The following BPTF variants were observed in gnomAD, a reference collection of about 807,000 sequenced individuals.
BPTF encodes the protein nucleosome-remodeling factor subunit BPTF.
A neutral mutation model predicts 292.5 loss-of-function variants in BPTF; 18 were observed. That is an observed-to-expected ratio of 0.06 (90% confidence interval 0.04 to 0.09). The LOEUF (loss-of-function observed/expected upper bound fraction) is 0.09. Among genes scored for constraint, BPTF ranks in the 10% least tolerant of loss-of-function variants. BPTF has a pLI of 1.00. For synonymous variants in BPTF, 1,225 were observed against 1,251.9 expected (o/e 0.98, Z 0.45); for missense variants, 2,726 against 3,498.7 (o/e 0.78, Z 5.57).
intron 23 of BPTF, among the ~76,000 whole-genome samples, chr17:67,953,572 A>G (rs552181337): frequency 4.8e-5 from 4 of 83,888 alleles, no homozygotes; most frequent in South Asian, 1.2e-3. Flanking sequence ...AAATTGTTCT[A>G]TAATTTTTTT....
In BPTF at chr17:67,945,436, T is replaced by C. The variant is rs2065733407; in HGVS notation, c.6728T>C (p.Leu2243Pro). ...AGTGEQRQSK[L>P]SPQMQVHQDK... The stretch of plus-strand genomic sequence containing the variant: ...ACAGGTGAACAAAGGCAGAGTAAAC[T>C]GTCACCCCAGATGCAGGTACATCAA... Residue 2243 changes from leucine (L) to proline (P), a missense_variant, in exon 21 of 28, where the codon CTG becomes CCG. Physicochemically the swap from Leu to Pro is moderately conservative, Grantham distance 98. Around this residue, in one of 22 missense-constraint regions of BPTF, gnomAD observed 570 missense variants for 633.5 expected, o/e 0.90. Coordinates refer to ENST00000306378, the MANE Select transcript of BPTF (RefSeq NM_182641.4). 2 of 1,613,886 alleles carry C rather than the reference T, an allele frequency of 1.2e-6. No homozygotes were observed. The highest frequency in any genetic ancestry group is 1.7e-6 in the Non-Finnish European group (2 of 1,179,914).
Position 67,825,573 on chromosome 17 carries a change from G to T in BPTF, c.-152G>T. On this transcript the variant is annotated 5_prime_UTR_variant, in exon 1 of 28. Transcript: ENST00000306378. ...TCCGGAGTGGGGCCCCAGCAATTCG[G>T]ATTGAGCCTTCTCCCTCCACCCGCT... The T allele has an allele frequency of 2.3e-6, 1 of 429,388 alleles. No homozygotes were observed. The allele number at this position is 429,388 out of a possible 1,614,324, so 26.6% of individuals were successfully genotyped here. A position where few individuals can be genotyped will look rare whatever the true frequency, so the allele number is the denominator to read the frequency against.
chr17:67,842,859 A>C (rs145760651), intron 1 of BPTF, among the ~76,000 whole-genome samples: 105 of 151,216 alleles, frequency 6.9e-4, no homozygotes, highest in African/African-American at 2.5e-3. Context: ...GATGAAGAAA[A>C]TCTAAGAGAA....
At chr17:67,926,525 T>C (rs954085117) in intron 15 of BPTF, among the ~76,000 whole-genome samples, 9 of 151,636 alleles carry the variant, frequency 5.9e-5, no homozygotes, top group Admixed American at 2.0e-4. Flanking sequence ...GGGGTTTCAC[T>C]GTGTTAGCCA....
chr17:67,945,331 AG>A, intron 20 of BPTF, 77 bp from the exon 21 acceptor site: 2 of 1,537,238 alleles, frequency 1.3e-6, no homozygotes, highest in Non-Finnish European at 8.7e-7. Flanking sequence ...CAACTTCAGA[AG>A]ATTTCCTTCA....
At chr17:67,937,122 A>G (rs1436790146) in intron 18 of BPTF, among the ~76,000 whole-genome samples, 2 of 152,182 alleles carry the variant, frequency 1.3e-5, no homozygotes, top group Non-Finnish European at 2.9e-5. Context: ...AATATACTGT[A>G]TAATAATGTA....
chr17:67,908,951 CAGCCTCCTGAGTA>C, intron 9 of BPTF, among the ~76,000 whole-genome samples: 1 of 150,832 alleles, frequency 6.6e-6, no homozygotes, highest in South Asian at 2.1e-4. Flanking sequence ...TCTCCTGCCT[CAGCCTCCTGAGTA>C]GCTGAGATCA....
chr17:67,955,138 A>T (rs1218626640), intron 23 of BPTF, among the ~76,000 whole-genome samples: 1 of 152,102 alleles, frequency 6.6e-6, no homozygotes, highest in East Asian at 1.9e-4. Context: ...AAAAAATACA[A>T]AAATTAGCCA....
At chr17:67,972,282 C>G (rs529332854) in intron 26 of BPTF, among the ~76,000 whole-genome samples, 1 of 152,130 alleles carries the variant, frequency 6.6e-6, no homozygotes, top group East Asian at 1.9e-4. Flanking sequence ...GTCACCCAGG[C>G]TGGAGTGCAG....
chr17:67,857,747 G>A (rs1193938599), intron 2 of BPTF, among the ~76,000 whole-genome samples: 3 of 150,902 alleles, frequency 2.0e-5, no homozygotes, highest in Non-Finnish European at 2.9e-5. Context: ...GATTATAGGC[G>A]TGAGCCACTG....
chr17:67,846,217 T>C (rs2144664207), intron 1 of BPTF, among the ~76,000 whole-genome samples: 1 of 152,330 alleles, frequency 6.6e-6, no homozygotes, highest in East Asian at 1.9e-4. Context: ...AGGCTGGGCA[T>C]GGTGGCTCAC....
chr17:67,966,737 A>G (rs1442718159), intron 26 of BPTF, 81 bp downstream of exon 26: 1 of 1,214,034 alleles, frequency 8.2e-7, no homozygotes, highest in Non-Finnish European at 1.1e-6. Flanking sequence ...ATCTTAGAAT[A>G]TTTTTAGCAA....
At chr17:67,868,156 TA>T (rs754265808) in intron 3 of BPTF, among the ~76,000 whole-genome samples, 3 of 152,208 alleles carry the variant, frequency 2.0e-5, no homozygotes, top group African/African-American at 4.8e-5. Context: ...CTCAACTCTT[TA>T]TTTTTTTAAG....
chr17:67,978,329 C>T (rs2069824329), intron 27 of BPTF, among the ~76,000 whole-genome samples: 1 of 145,514 alleles, frequency 6.9e-6, no homozygotes, highest in Non-Finnish European at 1.5e-5. Context: ...GACAGAGTCT[C>T]ACTCTGTTGC....
chr17:67,895,462 AT>A (rs1228953258), intron 7 of BPTF, among the ~76,000 whole-genome samples: 28,745 of 130,846 alleles, frequency 0.22, 2,773 homozygotes, highest in East Asian at 0.59. Context: ...CACCACATAC[AT>A]TTTTTTTTTT....
intron 4 of BPTF, chr17:67,875,406 C>A: frequency 2.2e-6 from 1 of 462,496 alleles, no homozygotes. Flanking sequence ...TTACCTATTG[C>A]AGCAATATCC....
intron 23 of BPTF, among the ~76,000 whole-genome samples, chr17:67,949,026 C>T (rs1276416886): frequency 1.3e-5 from 2 of 152,058 alleles, no homozygotes; most frequent in African/African-American, 2.4e-5. Flanking sequence ...GACTTGTAAA[C>T]GATTCTGTAG....
intron 4 of BPTF, among the ~76,000 whole-genome samples, chr17:67,881,854 TTTTG>T (rs1466629906): frequency 0.024 from 219 of 9,032 alleles, 34 homozygotes; most frequent in East Asian, 0.18. Flanking sequence ...GATTTTGGGT[TTTTG>T]TTTTTTTTTT....
At chr17:67,919,224 A>G (rs1022078320) in intron 12 of BPTF, among the ~76,000 whole-genome samples, 2 of 148,158 alleles carry the variant, frequency 1.3e-5, no homozygotes, top group South Asian at 2.1e-4. Context: ...ATAATAAAAT[A>G]TAATGCTTGT....
Sources: gnomAD v4.1 joint callset for allele counts (sites outside exome capture counted in the v4.1 genomes callset) on GRCh38, gnomAD v4.1.1 for gene constraint, gnomAD v4.1.1 regional missense constraint, MANE v1.5 for transcripts, NCBI Gene and HGNC (gene_info 2026-07-23, HGNC 2026-07-21) for gene names.